Variants in MMP16 observed in about 807,000 individuals in gnomAD.
MMP16 encodes the protein matrix metalloproteinase-16.
A neutral mutation model predicts 67.8 loss-of-function variants in MMP16; 12 were observed. That is an observed-to-expected ratio of 0.18 (90% confidence interval 0.11 to 0.29). The LOEUF is 0.29. Among genes scored for constraint, MMP16 ranks in the 10% least tolerant of loss-of-function variants. MMP16 has a pLI of 1.00. For synonymous variants in MMP16, 249 were observed against 255.9 expected (o/e 0.97, Z 0.26); for missense variants, 475 against 765.7 (o/e 0.62, Z 4.48).
chr8:88,148,902 G>GC (rs1808342789), intron 4 of MMP16, among the ~76,000 whole-genome samples: 1 of 152,152 alleles, frequency 6.6e-6, no homozygotes, highest in Non-Finnish European at 1.5e-5. Flanking sequence ...AGCTCCCAGC[G>GC]TGAGCGACGC....
chr8:88,207,217 T>C (rs995604903), intron 1 of MMP16, among the ~76,000 whole-genome samples: 3 of 152,196 alleles, frequency 2.0e-5, no homozygotes, highest in Non-Finnish European at 4.4e-5. Flanking sequence ...ATATACGGTG[T>C]TATTCCTAGT....
chr8:88,074,499 A>T, intron 7 of MMP16, 106 bp downstream of exon 7: 1 of 962,502 alleles, frequency 1.0e-6, no homozygotes. Flanking sequence ...TTATTTCATT[A>T]AATCCATAGG....
At chr8:88,231,388 T>C (rs1038408487) in intron 1 of MMP16, among the ~76,000 whole-genome samples, 1 of 152,182 alleles carries the variant, frequency 6.6e-6, no homozygotes, top group Non-Finnish European at 1.5e-5. Flanking sequence ...ATATCTTCCA[T>C]ATAACCAACT....
intron 6 of MMP16, among the ~76,000 whole-genome samples, chr8:88,085,617 A>T (rs1442535913): frequency 6.6e-6 from 1 of 152,048 alleles, no homozygotes; most frequent in Non-Finnish European, 1.5e-5. Flanking sequence ...TTAACAAGTG[A>T]TTCTTCTAAA....
intron 1 of MMP16, among the ~76,000 whole-genome samples, chr8:88,225,578 T>C (rs1809756335): frequency 6.6e-6 from 1 of 151,984 alleles, no homozygotes; most frequent in Non-Finnish European, 1.5e-5. Flanking sequence ...TATTCAGCCA[T>C]ACATCATGAT....
At chr8:88,052,047 T>C (rs1216683149) in intron 8 of MMP16, among the ~76,000 whole-genome samples, 1 of 152,220 alleles carries the variant, frequency 6.6e-6, no homozygotes, top group Non-Finnish European at 1.5e-5. Flanking sequence ...TCTCTTTAGC[T>C]ATCTCTATAC....
chr8:88,285,351 G>T (rs894856983), intron 1 of MMP16, among the ~76,000 whole-genome samples: 40 of 152,068 alleles, frequency 2.6e-4, no homozygotes, highest in Admixed American at 4.6e-4. Context: ...GGTTGGCCAG[G>T]CTGGTCTCGA....
chr8:88,252,614 A>G lies in MMP16; in HGVS notation c.133-55308T>C, dbSNP rs528340230. Among the ~76,000 whole-genome samples the G allele has an allele frequency of 1.4e-3, 203 of 148,756 alleles. 2 individuals carry two copies. Among genetic ancestry groups the G allele is most frequent in the South Asian group, 2.8e-3 (13 of 4,600 alleles). ...AGTTGAATAGTATTTTTAATATGAA[A>G]ATTTCAGAAACAGGGGTTTTCCACC... On this transcript the variant is annotated intron_variant, in intron 1 of 9. Coordinates refer to ENST00000286614, the MANE Select transcript of MMP16 (RefSeq NM_005941.5).
chr8:88,063,206 C>T (rs1000533859), intron 7 of MMP16, among the ~76,000 whole-genome samples: 1 of 152,076 alleles, frequency 6.6e-6, no homozygotes, highest in Non-Finnish European at 1.5e-5. Flanking sequence ...TGATATTCAT[C>T]TATCCATCCA....
chr8:88,272,488 CAT>C (rs1189293157), intron 1 of MMP16, among the ~76,000 whole-genome samples: 2 of 150,764 alleles, frequency 1.3e-5, no homozygotes, highest in African/African-American at 4.9e-5. Context: ...AGGTAGTACA[CAT>C]GTGATTAGGA....
At position 88,051,840 on chromosome 8, in the gene MMP16, G is replaced by C. The variant is rs147568562; in HGVS notation, c.1373+4288C>G. ...TAGATATGTTTGTGAGATGTTGAGA[G>C]ATGACTTAGAAACATAGCATTTTAA... On this transcript the variant is annotated intron_variant, in intron 8 of 9. Coordinates refer to ENST00000286614, the MANE Select transcript of MMP16 (RefSeq NM_005941.5). 3.0e-3 allele frequency among the ~76,000 whole-genome samples: 454 copies of C among 152,224 alleles called. 4 individuals carry two copies. Among genetic ancestry groups the C allele is most frequent in the African/African-American group, 9.5e-3 (395 of 41,550 alleles).
At chr8:88,212,273 A>G (rs979356336) in intron 1 of MMP16, among the ~76,000 whole-genome samples, 2 of 152,150 alleles carry the variant, frequency 1.3e-5, no homozygotes, top group African/African-American at 4.8e-5. Flanking sequence ...ACGAATTATG[A>G]TCTTGAACAA....
chr8:88,041,996 T>C lies in MMP16; in HGVS notation c.1490-201A>G, dbSNP rs1360869877. ...GTGCTCCAGGAATGATGCCATCTAA[T>C]GCCTATGGAAAGCTCAGTCCAGAGA... On this transcript the variant is annotated intron_variant, in intron 9 of 9. Transcript: ENST00000286614. The surrounding 1 kb of genome is among the most constrained non-coding windows in gnomAD (Gnocchi z 6.0). Among the ~76,000 whole-genome samples the C allele has an allele frequency of 6.6e-6, 1 of 152,196 alleles. No individual in the cohort carries two copies. Among genetic ancestry groups the C allele is most frequent in the Non-Finnish European group, 1.5e-5 (1 of 68,030 alleles).
At chr8:88,301,766 G>C (rs965893173) in intron 1 of MMP16, among the ~76,000 whole-genome samples, 1 of 152,166 alleles carries the variant, frequency 6.6e-6, no homozygotes, top group Non-Finnish European at 1.5e-5. Context: ...ATTTGTTGAA[G>C]TTTGAATTTA....
intron 1 of MMP16, among the ~76,000 whole-genome samples, chr8:88,294,391 T>TAC (rs1810974848): frequency 6.6e-6 from 1 of 150,678 alleles, no homozygotes; most frequent in Non-Finnish European, 1.5e-5. Context: ...TACACACATA[T>TAC]ATACATATGT....
intron 1 of MMP16, among the ~76,000 whole-genome samples, chr8:88,199,388 G>A (rs1395778674): frequency 6.6e-6 from 1 of 151,844 alleles, no homozygotes; most frequent in Admixed American, 6.6e-5. Flanking sequence ...CTTATGAAAG[G>A]GAGTTCTTTC....
intron 1 of MMP16, among the ~76,000 whole-genome samples, chr8:88,203,547 T>A (rs902565667): frequency 5.9e-5 from 9 of 152,202 alleles, no homozygotes; most frequent in African/African-American, 1.9e-4. Flanking sequence ...CACCACTAGA[T>A]GTCCTAAAGG....
intron 1 of MMP16, among the ~76,000 whole-genome samples, chr8:88,244,194 A>G (rs1471679493): frequency 6.6e-6 from 1 of 152,206 alleles, no homozygotes; most frequent in Non-Finnish European, 1.5e-5. Flanking sequence ...GCATAAATGC[A>G]AACTCCTCGG....
chr8:88,147,424 C>A (rs566567771), intron 4 of MMP16, among the ~76,000 whole-genome samples: 37 of 152,076 alleles, frequency 2.4e-4, no homozygotes, highest in Non-Finnish European at 4.4e-4. Context: ...TGTGTGCATG[C>A]AATGTTTATT....
Sources: allele counts gnomAD v4.1 joint callset (sites outside exome capture counted in the v4.1 genomes callset), GRCh38; gene constraint gnomAD v4.1.1; non-coding constraint Gnocchi (gnomAD v3.1); transcripts MANE v1.5; gene names NCBI Gene and HGNC (gene_info 2026-07-23, HGNC 2026-07-21).